FHIT: variants seen among roughly 807,000 people sequenced by gnomAD.
FHIT encodes the protein fragile histidine triad diadenosine triphosphatase.
Under a neutral mutation model 17.9 loss-of-function variants are expected in FHIT, and 19 were observed. The observed-to-expected ratio is 1.06, with a 90% confidence interval of 0.74 to 1.56. The LOEUF (loss-of-function observed/expected upper bound fraction) is 1.56, where lower values mean the gene tolerates loss of function less well. Among genes scored for constraint, FHIT ranks in the 40% most tolerant of loss-of-function variants. The pLI is 0.00. For missense variants in FHIT, 248 were observed against 189.2 expected (o/e 1.31, Z -1.82); for synonymous variants, 81 against 69.7 (o/e 1.16, Z -0.81).
chr3:59,752,202 G>A lies in FHIT; in HGVS notation c.*5+19C>T, dbSNP rs1188508768. On this transcript the variant is annotated intron_variant, in intron 9 of 9. Transcript: ENST00000492590. ...AGGCCCACGGGAGGGTCTGGGTAAT[G>A]ACGAAATGCAGTCTTTACCTGTGTC... 6.3e-7 allele frequency: 1 copy of A among 1,582,708 alleles called. No homozygotes were observed. Among genetic ancestry groups the A allele is most frequent in the Non-Finnish European group, 8.7e-7 (1 of 1,154,542 alleles).
chr3:60,783,201 G>C (rs550481516), intron 4 of FHIT, among the ~76,000 whole-genome samples: 2 of 152,098 alleles, frequency 1.3e-5, no homozygotes, highest in South Asian at 4.2e-4. Context: ...GGCTCTCACT[G>C]GGTCTTATGT....
At chr3:61,054,109 A>T (rs13088130) in intron 2 of FHIT, among the ~76,000 whole-genome samples, 2 of 151,988 alleles carry the variant, frequency 1.3e-5, no homozygotes, top group Non-Finnish European at 2.9e-5. Context: ...GGTATCCCCA[A>T]ACTTCATAAG....
intron 3 of FHIT, among the ~76,000 whole-genome samples, chr3:60,988,275 A>G (rs965035043): frequency 6.6e-6 from 1 of 152,362 alleles, no homozygotes; most frequent in Admixed American, 6.5e-5. Flanking sequence ...TATATGCCAC[A>G]TGAAAATAAA....
At chr3:60,219,602 G>C (rs1438003696) in intron 5 of FHIT, among the ~76,000 whole-genome samples, 2 of 152,146 alleles carry the variant, frequency 1.3e-5, no homozygotes, top group South Asian at 2.1e-4. Flanking sequence ...AGGGCTGTAA[G>C]TTCATCTGAC....
chr3:60,845,667 T>C (rs1575591957), intron 3 of FHIT, among the ~76,000 whole-genome samples: 1 of 152,300 alleles, frequency 6.6e-6, no homozygotes, highest in East Asian at 1.9e-4. Flanking sequence ...TGCTGATTAT[T>C]TCATATGCAG....
chr3:60,615,668 C>A (rs1358148328), intron 4 of FHIT, among the ~76,000 whole-genome samples: 1 of 152,146 alleles, frequency 6.6e-6, no homozygotes, highest in Non-Finnish European at 1.5e-5. Context: ...CAACCCTCTG[C>A]CAGATGCTGC....
At chr3:60,439,362 T>A (rs1385654541) in intron 5 of FHIT, among the ~76,000 whole-genome samples, 1 of 152,132 alleles carries the variant, frequency 6.6e-6, no homozygotes, top group Non-Finnish European at 1.5e-5. Flanking sequence ...AGAGTTTCAA[T>A]CAACTGACAA....
intron 5 of FHIT, among the ~76,000 whole-genome samples, chr3:60,509,993 C>G (rs1409568894): frequency 6.6e-6 from 1 of 152,158 alleles, no homozygotes; most frequent in Non-Finnish European, 1.5e-5. Context: ...CTTCAGCCTA[C>G]AGCTTGGTGA....
At chr3:59,826,597 A>C (rs1700987205) in intron 8 of FHIT, among the ~76,000 whole-genome samples, 1 of 152,144 alleles carries the variant, frequency 6.6e-6, no homozygotes, top group Non-Finnish European at 1.5e-5. Context: ...TTCAATACTC[A>C]AGAGTGTTTC....
At chr3:59,966,508 T>C (rs1380047985) in intron 7 of FHIT, among the ~76,000 whole-genome samples, 3 of 152,222 alleles carry the variant, frequency 2.0e-5, no homozygotes, top group African/African-American at 7.2e-5. Flanking sequence ...CAAACCTAGA[T>C]GGTACAGCTC....
intron 4 of FHIT, among the ~76,000 whole-genome samples, chr3:60,645,490 A>G (rs782796397): frequency 2.0e-5 from 3 of 152,196 alleles, no homozygotes; most frequent in Admixed American, 6.5e-5. Context: ...GTTACAAGAT[A>G]GTACACTCTA....
intron 5 of FHIT, among the ~76,000 whole-genome samples, chr3:60,286,574 A>T (rs1483492236): frequency 2.6e-5 from 4 of 152,176 alleles, no homozygotes; most frequent in Non-Finnish European, 5.9e-5. Flanking sequence ...TTACAAGTTT[A>T]AACATTTTTT....
At chr3:60,123,970 ATAT>A (rs1559653298) in intron 5 of FHIT, among the ~76,000 whole-genome samples, 6 of 18,420 alleles carry the variant, frequency 3.3e-4, no homozygotes, top group East Asian at 5.4e-3. Context: ...CACTAAAAAT[ATAT>A]ATATATATAT....
intron 4 of FHIT, among the ~76,000 whole-genome samples, chr3:60,818,322 A>G (rs1188146798): frequency 6.6e-6 from 1 of 152,140 alleles, no homozygotes; most frequent in Non-Finnish European, 1.5e-5. Context: ...TATGATATGC[A>G]AGTATTGATG....
At chr3:60,559,774 A>G (rs1236480990) in intron 4 of FHIT, among the ~76,000 whole-genome samples, 2 of 122,770 alleles carry the variant, frequency 1.6e-5, no homozygotes, top group African/African-American at 3.1e-5. Context: ...GGGCACTTAC[A>G]CCATTTCTTA....
intron 2 of FHIT, among the ~76,000 whole-genome samples, chr3:61,066,985 T>G (rs568735950): frequency 1.3e-5 from 2 of 152,326 alleles, no homozygotes; most frequent in South Asian, 2.1e-4. Context: ...TTGCCTGTAG[T>G]GCTGTTACTT....
At chr3:59,892,870 T>A (rs1257821159) in intron 8 of FHIT, among the ~76,000 whole-genome samples, 1 of 152,176 alleles carries the variant, frequency 6.6e-6, no homozygotes, top group Non-Finnish European at 1.5e-5. Context: ...TTTGGTCATA[T>A]TTGGGCAGCC....
intron 8 of FHIT, among the ~76,000 whole-genome samples, chr3:59,787,376 C>T (rs956600353): frequency 1.3e-5 from 2 of 151,768 alleles, no homozygotes; most frequent in African/African-American, 4.8e-5. Context: ...TTTTCACGTA[C>T]CCATAACTAT....
At chr3:61,192,150 G>A (rs1409102508) in intron 2 of FHIT, among the ~76,000 whole-genome samples, 1 of 152,192 alleles carries the variant, frequency 6.6e-6, no homozygotes, top group Non-Finnish European at 1.5e-5. Context: ...ACACACTGAA[G>A]ATGGCACAGG....
Sources: gnomAD v4.1 joint callset for allele counts (sites outside exome capture counted in the v4.1 genomes callset) on GRCh38, gnomAD v4.1.1 for gene constraint, MANE v1.5 for transcripts, NCBI Gene and HGNC (gene_info 2026-07-23, HGNC 2026-07-21) for gene names.